Variants in GMDS observed in about 807,000 individuals in gnomAD.
GMDS encodes GDP-mannose 4,6 dehydratase.
In GMDS, 20 loss-of-function variants were observed where a neutral mutation model predicts 49.9. The ratio of observed to expected loss-of-function variants is 0.40; its 90% CI spans 0.28 to 0.58. The LOEUF (loss-of-function observed/expected upper bound fraction) is 0.58. Among genes scored for constraint, GMDS ranks in the 20% least tolerant of loss-of-function variants. The probability of loss-of-function intolerance (pLI) is 0.42; values close to 1 mark genes in which losing one functional copy is unlikely to be tolerated. For missense variants in GMDS, 362 were observed against 481.4 expected (o/e 0.75, Z 2.32); for synonymous variants, 177 against 178.6 (o/e 0.99, Z 0.07).
intron 6 of GMDS, among the ~76,000 whole-genome samples, chr6:1,938,491 CT>C (rs1435257764): frequency 6.6e-6 from 1 of 152,242 alleles, no homozygotes; most frequent in Admixed American, 6.5e-5. Flanking sequence ...TATTTTCCCA[CT>C]GTCTTCTGGT....
intron 7 of GMDS, among the ~76,000 whole-genome samples, chr6:1,756,994 C>T (rs904833873): frequency 1.3e-5 from 2 of 152,110 alleles, no homozygotes; most frequent in African/African-American, 2.4e-5. Flanking sequence ...CAAAAGGACA[C>T]GCAGGATGGG....
intron 7 of GMDS, among the ~76,000 whole-genome samples, chr6:1,874,391 C>T (rs556072556): frequency 6.6e-6 from 1 of 152,262 alleles, no homozygotes; most frequent in South Asian, 2.1e-4. Flanking sequence ...CAAGTACTAT[C>T]AAAATCCCAT....
At chr6:1,920,265 CA>C (rs1761650520) in intron 7 of GMDS, among the ~76,000 whole-genome samples, 2 of 152,204 alleles carry the variant, frequency 1.3e-5, no homozygotes, top group African/African-American at 4.8e-5. Flanking sequence ...CTTGGGCATT[CA>C]GGTGGCCCAA....
At chr6:1,720,924 A>C (rs936359587) in intron 9 of GMDS, among the ~76,000 whole-genome samples, 5 of 152,106 alleles carry the variant, frequency 3.3e-5, no homozygotes, top group Non-Finnish European at 7.4e-5. Flanking sequence ...GGTGGTGAGA[A>C]CAGCTATGGG....
At chr6:1,995,600 A>G (rs1400451764) in intron 4 of GMDS, among the ~76,000 whole-genome samples, 1 of 152,176 alleles carries the variant, frequency 6.6e-6, no homozygotes, top group African/African-American at 2.4e-5. Context: ...AGATAAACAC[A>G]TGAAGCATTT....
intron 4 of GMDS, among the ~76,000 whole-genome samples, chr6:2,013,026 C>T (rs1170895144): frequency 6.6e-6 from 1 of 152,126 alleles, no homozygotes; most frequent in Non-Finnish European, 1.5e-5. Flanking sequence ...TCTGTCCTGT[C>T]TCCTTTGAAA....
At chr6:1,889,519 C>A (rs1207978658) in intron 7 of GMDS, among the ~76,000 whole-genome samples, 3 of 152,200 alleles carry the variant, frequency 2.0e-5, no homozygotes, top group Non-Finnish European at 4.4e-5. Flanking sequence ...CTCTTCCATG[C>A]AAGGAACTTC....
intron 4 of GMDS, among the ~76,000 whole-genome samples, chr6:2,110,844 TGAAA>T (rs143198018): frequency 0.013 from 1,977 of 152,212 alleles, 43 homozygotes; most frequent in African/African-American, 0.045. Flanking sequence ...TAAGAGAAAG[TGAAA>T]GAAAGACACA....
chr6:2,074,295 T>C (rs561919670), intron 4 of GMDS, among the ~76,000 whole-genome samples: 57 of 152,360 alleles, frequency 3.7e-4, no homozygotes, highest in African/African-American at 1.4e-3. Flanking sequence ...TTCAAATACC[T>C]GTTGGCCACT....
chr6:1,905,976 A>G (rs974854639), intron 7 of GMDS, among the ~76,000 whole-genome samples: 2 of 152,100 alleles, frequency 1.3e-5, no homozygotes, highest in East Asian at 1.9e-4. Flanking sequence ...GACATGCTCA[A>G]ATGGAAATGG....
At position 1,684,465 on chromosome 6, in the gene GMDS, C is replaced by T. The variant is rs185757142; in HGVS notation, c.987+41951G>A. On this transcript the variant is annotated intron_variant, in intron 9 of 10. Transcript: ENST00000380815. The stretch of plus-strand genomic sequence containing the variant: ...ACAACCCAAATGAGCTTCAGGTGAA[C>T]GGCTGTGCGGCAATGCATCCACACG... Among the ~76,000 whole-genome samples, 25 of 152,280 alleles carry T rather than the reference C, an allele frequency of 1.6e-4. 1 individual carries two copies. In the East Asian group the frequency reaches 2.5e-3, roughly 15 times the overall value.
At chr6:1,971,862 G>A (rs1764631466) in intron 4 of GMDS, among the ~76,000 whole-genome samples, 1 of 152,188 alleles carries the variant, frequency 6.6e-6, no homozygotes, top group Admixed American at 6.5e-5. Context: ...GAAAGCATAT[G>A]CAGGGCTCTG....
intron 1 of GMDS, among the ~76,000 whole-genome samples, chr6:2,137,153 C>T (rs535819348): frequency 6.6e-6 from 1 of 152,216 alleles, no homozygotes; most frequent in African/African-American, 2.4e-5. Context: ...TAATTAAAAT[C>T]TTCTGCACAT....
chr6:1,672,192 C>T (rs950523264), intron 9 of GMDS, among the ~76,000 whole-genome samples: 57 of 152,272 alleles, frequency 3.7e-4, no homozygotes, highest in Middle Eastern at 3.4e-3. Context: ...GCATTTGAGA[C>T]GTCTGACAAA....
rs370935922 is a variant in GMDS at position 2,149,825 on chromosome 6, TAC to T, written c.103-25096_103-25095del. Among the ~76,000 whole-genome samples the T allele has an allele frequency of 9.2e-5, 14 of 152,292 alleles. No individual in the cohort carries two copies. In the South Asian group the frequency reaches 1.7e-3, roughly 18 times the overall value. Reference sequence around the variant, plus strand: ...CTTTACAAGCTGTGGGGAGACTGAGTACACACAGCAGATTCCAGCCAGGATTG... The same window carrying T: ...CTTTACAAGCTGTGGGGAGACTGAGTACACAGCAGATTCCAGCCAGGATTG... On this transcript the variant is annotated intron_variant, in intron 1 of 10. Coordinates refer to ENST00000380815, the MANE Select transcript of GMDS (RefSeq NM_001500.4).
intron 7 of GMDS, among the ~76,000 whole-genome samples, chr6:1,855,984 C>G (rs1757922228): frequency 6.6e-6 from 1 of 152,162 alleles, no homozygotes; most frequent in Non-Finnish European, 1.5e-5. Context: ...GACAGTGTGT[C>G]TGTGTACCTA....
chr6:1,644,838 G>T (rs959275380), intron 9 of GMDS, among the ~76,000 whole-genome samples: 2 of 152,096 alleles, frequency 1.3e-5, no homozygotes, highest in African/African-American at 2.4e-5. Context: ...CCTACATTCT[G>T]CAGATGAGGA....
chr6:2,024,529 G>A (rs79198068), intron 4 of GMDS, among the ~76,000 whole-genome samples: 2,829 of 152,186 alleles, frequency 0.019, 105 homozygotes, highest in African/African-American at 0.064. Context: ...CAGGGTTAAA[G>A]TGTTCTCAGT....
chr6:1,624,357 ACCCCGCCTT>A, intron 10 of GMDS, 106 bp downstream of exon 10: 1 of 1,275,444 alleles, frequency 7.8e-7, no homozygotes, highest in East Asian at 2.5e-5. Flanking sequence ...CTTCTCCCGC[ACCCCGCCTT>A]CCGGGCTTTG....
Sources: gnomAD v4.1 joint callset for allele counts (sites outside exome capture counted in the v4.1 genomes callset) on GRCh38, gnomAD v4.1.1 for gene constraint, MANE v1.5 for transcripts, NCBI Gene and HGNC (gene_info 2026-07-23, HGNC 2026-07-21) for gene names.